The following SEMA6D variants were observed in gnomAD, a reference collection of about 807,000 sequenced individuals.
SEMA6D encodes the protein semaphorin 6D.
A neutral mutation model predicts 106.6 loss-of-function variants in SEMA6D; 35 were observed. The ratio of observed to expected loss-of-function variants is 0.33; its 90% CI spans 0.25 to 0.44. SEMA6D has a LOEUF of 0.44. Among genes scored for constraint, SEMA6D ranks in the 20% least tolerant of loss-of-function variants. The pLI is 1.00. For synonymous variants in SEMA6D, 499 were observed against 487.7 expected (o/e 1.02, Z -0.31); for missense variants, 1,185 against 1,345.9 (o/e 0.88, Z 1.87).
intron 1 of SEMA6D, among the ~76,000 whole-genome samples, chr15:47,261,195 CAT>C (rs1179601854): frequency 6.6e-6 from 1 of 152,066 alleles, no homozygotes; most frequent in Non-Finnish European, 1.5e-5. Context: ...TTTGTTCACT[CAT>C]GTGTTTGATT....
intron 3 of SEMA6D, among the ~76,000 whole-genome samples, chr15:47,501,007 G>T (rs1596166251): frequency 6.6e-6 from 1 of 152,086 alleles, no homozygotes; most frequent in South Asian, 2.1e-4. Context: ...TTGTATAATT[G>T]CTTCCAAGCA....
chr15:47,533,110 A>G (rs1266809339), intron 3 of SEMA6D, among the ~76,000 whole-genome samples: 1 of 152,200 alleles, frequency 6.6e-6, no homozygotes, highest in Non-Finnish European at 1.5e-5. Flanking sequence ...GCTGGCTGTA[A>G]TAAAATAGAG....
intron 1 of SEMA6D, among the ~76,000 whole-genome samples, chr15:47,284,031 A>C (rs1280804231): frequency 1.3e-5 from 2 of 152,058 alleles, no homozygotes; most frequent in Non-Finnish European, 2.9e-5. Context: ...CTTTTGGTTC[A>C]CTTGAAGAGC....
rs568295334 is a variant in SEMA6D at position 47,406,578 on chromosome 15, T to A, written c.-238-5815T>A. ...GACTTCTAAAAATAAGTCAATCTCATAGTGACAGAGAGTAAAGGGGTGGCT... is the reference window on the plus strand; with the variant it reads ...GACTTCTAAAAATAAGTCAATCTCAAAGTGACAGAGAGTAAAGGGGTGGCT... On this transcript the variant is annotated intron_variant, in intron 1 of 19. Coordinates refer to the SEMA6D transcript ENST00000558014. 5.9e-5 allele frequency among the ~76,000 whole-genome samples: 9 copies of A among 152,218 alleles called. No individual in the cohort carries two copies. The East Asian group carries it at 1.4e-3, about 23-fold the overall frequency.
chr15:47,471,916 C>CTG (rs2042851669), intron 3 of SEMA6D, among the ~76,000 whole-genome samples: 1 of 132,156 alleles, frequency 7.6e-6, no homozygotes, highest in South Asian at 2.5e-4. Context: ...CTCTCTCTCT[C>CTG]TCTCTCTCTC....
intron 1 of SEMA6D, among the ~76,000 whole-genome samples, chr15:47,286,776 C>G (rs1034361500): frequency 6.6e-6 from 1 of 152,144 alleles, no homozygotes; most frequent in Non-Finnish European, 1.5e-5. Flanking sequence ...AGGGAATATC[C>G]TCTAGCTCTC....
At chr15:47,643,201 C>G (rs1416403999) in intron 4 of SEMA6D, among the ~76,000 whole-genome samples, 1 of 152,200 alleles carries the variant, frequency 6.6e-6, no homozygotes, top group Non-Finnish European at 1.5e-5. Context: ...GTAGAATATA[C>G]CACATGCAGT....
intron 1 of SEMA6D, among the ~76,000 whole-genome samples, chr15:47,275,582 T>C (rs147231647): frequency 6.6e-6 from 1 of 152,272 alleles, no homozygotes; most frequent in African/African-American, 2.4e-5. Context: ...TGGGGCATCA[T>C]AACCTGTGCC....
chr15:47,308,811 A>G (rs540002518), intron 1 of SEMA6D, among the ~76,000 whole-genome samples: 5 of 152,286 alleles, frequency 3.3e-5, no homozygotes, highest in Admixed American at 2.6e-4. Flanking sequence ...CTTAGGTTGG[A>G]ACTATTTTGG....
At chr15:47,504,226 C>T (rs540125367) in intron 3 of SEMA6D, among the ~76,000 whole-genome samples, 1 of 152,262 alleles carries the variant, frequency 6.6e-6, no homozygotes, top group South Asian at 2.1e-4. Context: ...TTAGCAGAAC[C>T]AGGCCTCTAC....
chr15:47,719,476 A>G (rs2079296708), intron 1 of SEMA6D, among the ~76,000 whole-genome samples: 1 of 152,200 alleles, frequency 6.6e-6, no homozygotes, highest in South Asian at 2.1e-4. Flanking sequence ...TTCTGGCGGT[A>G]AGAATTTTAA....
intron 1 of SEMA6D, among the ~76,000 whole-genome samples, chr15:47,757,377 G>T (rs922819574): frequency 5.9e-5 from 9 of 152,196 alleles, no homozygotes; most frequent in African/African-American, 2.2e-4. Context: ...TGGGACTGGT[G>T]TCAAAGCAGG....
intron 1 of SEMA6D, among the ~76,000 whole-genome samples, chr15:47,194,361 G>A (rs1894185374): frequency 6.6e-6 from 1 of 152,122 alleles, no homozygotes. Context: ...GAGTTAGAGA[G>A]TTTGAGAGGG....
chr15:47,252,534 A>G (rs969714344), intron 1 of SEMA6D, among the ~76,000 whole-genome samples: 5 of 151,960 alleles, frequency 3.3e-5, no homozygotes, highest in Admixed American at 2.6e-4. Flanking sequence ...CCATTAACTT[A>G]CCTCCTTTAC....
intron 4 of SEMA6D, among the ~76,000 whole-genome samples, chr15:47,672,963 G>C (rs1288949805): frequency 6.6e-6 from 1 of 152,030 alleles, no homozygotes; most frequent in South Asian, 2.1e-4. Context: ...TTTTTATTGC[G>C]AGCCAACCCC....
chr15:47,380,925 T>C (rs1483711817), intron 1 of SEMA6D, among the ~76,000 whole-genome samples: 1 of 152,214 alleles, frequency 6.6e-6, no homozygotes, highest in African/African-American at 2.4e-5. Flanking sequence ...TTGGAGGTGA[T>C]CATACTTCAC....
At chr15:47,288,023 G>T (rs1427210678) in intron 1 of SEMA6D, among the ~76,000 whole-genome samples, 1 of 152,102 alleles carries the variant, frequency 6.6e-6, no homozygotes, top group African/African-American at 2.4e-5. Context: ...GCAGCGGGGT[G>T]GGGGCACACA....
chr15:47,376,573 A>G (rs571718443), intron 1 of SEMA6D, among the ~76,000 whole-genome samples: 2 of 152,018 alleles, frequency 1.3e-5, no homozygotes, highest in East Asian at 2.0e-4. Context: ...CCAAAATGCT[A>G]TTTTGTAAAC....
At chr15:47,734,949 G>A (rs1352995390) in intron 1 of SEMA6D, among the ~76,000 whole-genome samples, 1 of 152,114 alleles carries the variant, frequency 6.6e-6, no homozygotes, top group East Asian at 1.9e-4. Context: ...ATTGAGCACT[G>A]TTATTATTCT....
Sources: gnomAD v4.1 joint callset for allele counts (sites outside exome capture counted in the v4.1 genomes callset) on GRCh38, gnomAD v4.1.1 for gene constraint, MANE v1.5 for transcripts, NCBI Gene and HGNC (gene_info 2026-07-23, HGNC 2026-07-21) for gene names.